Variants in NAALADL2 observed in about 807,000 individuals in gnomAD.
NAALADL2 encodes the protein N-acetylated alpha-linked acidic dipeptidase like 2.
A neutral mutation model predicts 87.2 loss-of-function variants in NAALADL2; 76 were observed. The observed-to-expected ratio is 0.87, with a 90% CI of 0.72 to 1.05. The LOEUF is 1.05. Ranked by LOEUF, NAALADL2 falls within the 50% of genes least tolerant of loss-of-function variation. NAALADL2 has a pLI of 0.00. For missense variants in NAALADL2, 1,089 were observed against 945.8 expected (o/e 1.15, Z -1.99); for synonymous variants, 354 against 331.0 (o/e 1.07, Z -0.75).
In NAALADL2 at chr3:174,641,726, A is replaced by G. The variant is rs140585567; in HGVS notation, c.-115+91089A>G. Among the ~76,000 whole-genome samples the G allele has an allele frequency of 4.1e-3, 623 of 151,828 alleles. 5 individuals are homozygous for G. The highest frequency in any genetic ancestry group is 0.013 in the African/African-American group (541 of 41,386). ...CAGCATAACTTCTTGTTTAAGCCAA[A>G]TAGTGACTTTCTCAAGGAAATCCTT... On this transcript the variant is annotated intron_variant, in intron 2 of 3. Transcript: ENST00000434257.
intron 12 of NAALADL2, among the ~76,000 whole-genome samples, chr3:175,740,551 G>A (rs115061658): frequency 0.027 from 4,168 of 152,280 alleles, 68 homozygotes; most frequent in Non-Finnish European, 0.042. Context: ...CCAGACTTGG[G>A]AGTGTTCTAA....
intron 2 of NAALADL2, among the ~76,000 whole-genome samples, chr3:175,118,028 C>T (rs186772191): frequency 1.3e-5 from 2 of 152,074 alleles, no homozygotes; most frequent in East Asian, 3.9e-4. Flanking sequence ...GAAAATCAAA[C>T]ACCACATGTT....
intron 9 of NAALADL2, among the ~76,000 whole-genome samples, chr3:175,507,964 T>C (rs899496468): frequency 1.3e-5 from 2 of 152,186 alleles, no homozygotes; most frequent in African/African-American, 4.8e-5. Context: ...CATGGTTCTA[T>C]TGGCTTTACA....
At chr3:175,555,275 G>A (rs1184624486) in intron 9 of NAALADL2, among the ~76,000 whole-genome samples, 1 of 152,254 alleles carries the variant, frequency 6.6e-6, no homozygotes, top group Non-Finnish European at 1.5e-5. Context: ...CCACTATAGT[G>A]CTCAATTATC....
chr3:175,726,216 T>A (rs2150048354), intron 11 of NAALADL2, among the ~76,000 whole-genome samples: 1 of 143,620 alleles, frequency 7.0e-6, no homozygotes. Flanking sequence ...TAATAACAGA[T>A]AGGTGATGAC....
At chr3:175,774,481 T>C (rs1295398293) in intron 13 of NAALADL2, among the ~76,000 whole-genome samples, 1 of 152,034 alleles carries the variant, frequency 6.6e-6, no homozygotes, top group Non-Finnish European at 1.5e-5. Flanking sequence ...ACTACTCCCT[T>C]ATGAGATGTC....
intron 1 of NAALADL2, among the ~76,000 whole-genome samples, chr3:174,975,362 C>T (rs536550931): frequency 1.5e-4 from 23 of 152,182 alleles, no homozygotes; most frequent in Non-Finnish European, 1.6e-4. Flanking sequence ...ATAATAGCTA[C>T]ACTACTTCCA....
At position 175,531,073 on chromosome 3, in the gene NAALADL2, A is replaced by G. The variant is rs12492545; in HGVS notation, c.1654-44968A>G. ...CCTAACTACCACTGATACCTCAAGC[A>G]CCATTGGATCTGCTGGGTCATGTGG... On this transcript the variant is annotated intron_variant, in intron 9 of 13. Transcript: ENST00000454872. Among the ~76,000 whole-genome samples the G allele has an allele frequency of 9.4e-3, 1,424 of 152,240 alleles. 46 individuals are homozygous for G. Among genetic ancestry groups the G allele is most frequent in the Admixed American group, 0.056 (856 of 15,286 alleles).
In NAALADL2 at chr3:174,728,666, A is replaced by C. The variant is rs79288559; in HGVS notation, c.-114-8975A>C. On this transcript the variant is annotated intron_variant, in intron 2 of 3. Coordinates refer to the NAALADL2 transcript ENST00000434257. The stretch of plus-strand genomic sequence containing the variant: ...TTTATGTGTTTTTTTCCCATTTCAC[A>C]TATGAGGAAATAAGCCTAAAGTTTA... Among the ~76,000 whole-genome samples the C allele has an allele frequency of 5.2e-3, 797 of 152,176 alleles. 6 individuals carry two copies. Among genetic ancestry groups the C allele is most frequent in the African/African-American group, 0.018 (753 of 41,552 alleles).
At chr3:175,185,316 T>C (rs75797357) in intron 2 of NAALADL2, among the ~76,000 whole-genome samples, 5,839 of 152,170 alleles carry the variant, frequency 0.038, 163 homozygotes, top group Non-Finnish European at 0.06. Flanking sequence ...GAGACTTGTC[T>C]ACATATGCAC....
At chr3:174,745,561 T>G (rs145915800) in intron 3 of NAALADL2, among the ~76,000 whole-genome samples, 2 of 152,010 alleles carry the variant, frequency 1.3e-5, no homozygotes, top group Non-Finnish European at 2.9e-5. Flanking sequence ...CAATTGAATA[T>G]TGGGGACTTC....
Position 175,343,655 on chromosome 3 carries a change from G to GTTTTTTTTTTTTTTTTTTTTTTTTTT in NAALADL2, c.1090+19351_1090+19352insTTTTTTTTTTTTTTTTTTTTTTTTTT. Among the ~76,000 whole-genome samples, 105 of 64,700 alleles carry GTTTTTTTTTTTTTTTTTTTTTTTTTT rather than the reference G, an allele frequency of 1.6e-3. 19 individuals carry two copies. The highest frequency in any genetic ancestry group is 3.8e-3 in the East Asian group (6 of 1,562). 42.4% of individuals were successfully genotyped at this position (64,700 alleles called of 152,430 possible). A position where few individuals can be genotyped will look rare whatever the true frequency, so the allele number is the denominator to read the frequency against. On this transcript the variant is annotated intron_variant, in intron 5 of 13. Transcript: ENST00000454872. ...TGGAGTTCCTGTGTGTCTTGATCAT[G>GTTTTTTTTTTTTTTTTTTTTTTTTTT]TTTTTTTTTTTTTTTTTTTTTCCCT...
At chr3:175,038,768 G>A (rs1475906048) in intron 1 of NAALADL2, among the ~76,000 whole-genome samples, 1 of 152,080 alleles carries the variant, frequency 6.6e-6, no homozygotes, top group African/African-American at 2.4e-5. Flanking sequence ...TACGTGCTGA[G>A]GTGGAAGTGG....
chr3:175,471,697 T>C lies in NAALADL2; in HGVS notation c.1592T>C (p.Ile531Thr). 6.3e-7 allele frequency: 1 copy of C among 1,599,912 alleles called. No individual in the cohort carries two copies. Among genetic ancestry groups the C allele is most frequent in the African/African-American group, 1.3e-5 (1 of 74,666 alleles). The change falls in exon 9 of 14, where the codon ATA becomes ACA. Residue 531 changes from isoleucine to threonine, a missense_variant. Transcript: ENST00000454872. ...GCTTATATTAGCCTCCACAGTCCCA[T>C]AAGGGGGAACTCTAGTCTGTATCCT... Reference protein sequence around the residue: ...VVAYISLHSPIRGNSSLYPVA... With the variant: ...VVAYISLHSPTRGNSSLYPVA...
chr3:175,156,340 A>C (rs1732317436), intron 2 of NAALADL2, among the ~76,000 whole-genome samples: 1 of 116,306 alleles, frequency 8.6e-6, no homozygotes, highest in Admixed American at 8.9e-5. Context: ...CTACTACCTC[A>C]GTGTAGATAG....
At chr3:175,567,838 C>T (rs1012720330) in intron 9 of NAALADL2, among the ~76,000 whole-genome samples, 2 of 151,932 alleles carry the variant, frequency 1.3e-5, no homozygotes, top group African/African-American at 4.8e-5. Context: ...GCCTCTACCT[C>T]CCGAGTAGCT....
intron 2 of NAALADL2, among the ~76,000 whole-genome samples, chr3:174,564,374 G>T (rs1713986877): frequency 6.6e-6 from 1 of 152,124 alleles, no homozygotes; most frequent in African/African-American, 2.4e-5. Context: ...ATAAAAGGAG[G>T]AGGATGTCAG....
At chr3:175,161,233 C>G (rs983465292) in intron 2 of NAALADL2, among the ~76,000 whole-genome samples, 8 of 151,882 alleles carry the variant, frequency 5.3e-5, no homozygotes, top group African/African-American at 1.9e-4. Context: ...CAGAAGCCAA[C>G]TTTTGCTAAC....
intron 4 of NAALADL2, among the ~76,000 whole-genome samples, chr3:175,306,458 G>C (rs1018754533): frequency 2.0e-5 from 3 of 152,112 alleles, no homozygotes; most frequent in African/African-American, 7.2e-5. Flanking sequence ...TTCTGAAAAA[G>C]AATCCATACT....
Sources: gnomAD v4.1 joint callset for allele counts (sites outside exome capture counted in the v4.1 genomes callset) on GRCh38, gnomAD v4.1.1 for gene constraint, MANE v1.5 for transcripts, NCBI Gene and HGNC (gene_info 2026-07-23, HGNC 2026-07-21) for gene names.